Variants in SDK2 observed in about 807,000 individuals in gnomAD.
SDK2 encodes protein sidekick-2.
In SDK2, 105 loss-of-function variants were observed where a neutral mutation model predicts 253.9. The ratio of observed to expected loss-of-function variants is 0.41; its 90% confidence interval spans 0.35 to 0.49. The LOEUF (loss-of-function observed/expected upper bound fraction) is 0.49. Among genes scored for constraint, SDK2 ranks in the 20% least tolerant of loss-of-function variants. SDK2 has a pLI of 0.06. For missense variants in SDK2, 2,608 were observed against 3,003.0 expected (o/e 0.87, Z 3.07); for synonymous variants, 1,249 against 1,234.9 (o/e 1.01, Z -0.24).
At chr17:73,404,906 T>G (rs11077679) in intron 18 of SDK2, among the ~76,000 whole-genome samples, 1 of 151,904 alleles carries the variant, frequency 6.6e-6, no homozygotes, top group African/African-American at 2.4e-5. Context: ...TGGAGGGTGT[T>G]GGGGGAGGGC....
At chr17:73,544,714 A>G (rs1221285756) in intron 1 of SDK2, among the ~76,000 whole-genome samples, 2 of 152,212 alleles carry the variant, frequency 1.3e-5, no homozygotes. Flanking sequence ...AAAGCATCTA[A>G]CTTAACCTCT....
intron 6 of SDK2, among the ~76,000 whole-genome samples, chr17:73,440,472 A>G (rs2063406522): frequency 6.6e-6 from 1 of 152,130 alleles, no homozygotes; most frequent in South Asian, 2.1e-4. Flanking sequence ...CCCTGCATGC[A>G]AGAGGGCTCG....
intron 3 of SDK2, among the ~76,000 whole-genome samples, chr17:73,471,181 C>T (rs2063647954): frequency 1.3e-5 from 2 of 152,158 alleles, no homozygotes; most frequent in African/African-American, 4.8e-5. Flanking sequence ...CTGATTCATT[C>T]CTCATTCTCC....
chr17:73,469,432 A>C (rs1425745052), intron 3 of SDK2, among the ~76,000 whole-genome samples: 2 of 152,164 alleles, frequency 1.3e-5, no homozygotes, highest in Admixed American at 1.3e-4. Flanking sequence ...TAGGCAGCAC[A>C]AGTCCCCTTC....
At position 73,356,288 on chromosome 17, in the gene SDK2, C is replaced by G. The variant is rs78918305; in HGVS notation, c.5593+1791G>C. ...GATCTCCTGCCTGCTGTTTAACCCC[C>G]CTTGTTCCACCCCACACAGGGACAA... On this transcript the variant is annotated intron_variant, in intron 40 of 44. Coordinates refer to ENST00000392650, the MANE Select transcript of SDK2 (RefSeq NM_001144952.2). Among the ~76,000 whole-genome samples the G allele has an allele frequency of 3.9e-5, 6 of 152,314 alleles. No individual in the cohort carries two copies. In the East Asian group the frequency reaches 1.2e-3, roughly 29 times the overall value.
chr17:73,441,462 G>A (rs779871310), intron 5 of SDK2, among the ~76,000 whole-genome samples: 22 of 152,184 alleles, frequency 1.4e-4, no homozygotes, highest in Non-Finnish European at 3.2e-4. Context: ...TATTGGATCA[G>A]GGTGGGCTCA....
chr17:73,403,850 G>A (rs957618233), intron 18 of SDK2, among the ~76,000 whole-genome samples: 1 of 152,128 alleles, frequency 6.6e-6, no homozygotes, highest in Non-Finnish European at 1.5e-5. Flanking sequence ...TTGTTTCATA[G>A]CAATTATGTT....
Position 73,609,145 on chromosome 17 carries a change from T to TGG in SDK2, c.64+34879_64+34880insCC, listed in dbSNP as rs1242902193. ...GGAAGATCAGGAGTTTGCAAGACCT[T>TGG]GTGTGTGTTCAGTTGGGATGACTTG... On this transcript the variant is annotated intron_variant, in intron 1 of 44. Coordinates refer to ENST00000392650, the MANE Select transcript of SDK2 (RefSeq NM_001144952.2). This position sits in a 1 kb window ranked among gnomAD's most constrained non-coding sequence, Gnocchi z 4.4. Among the ~76,000 whole-genome samples the TGG allele has an allele frequency of 1.3e-5, 2 of 152,046 alleles. No homozygotes were observed. The highest frequency in any genetic ancestry group is 1.3e-4 in the Admixed American group (2 of 15,272).
rs929674571 is a variant in SDK2 at position 73,358,290 on chromosome 17, G to A, written c.5468-86C>T. On this transcript the variant is annotated intron_variant, in intron 39 of 44. Transcript: ENST00000392650. ...ACCCTGGGCTCGAGGAGGAACACTGGGTGACAAAACCAACCCTGGACAGAG... is the reference window on the plus strand; with the variant it reads ...ACCCTGGGCTCGAGGAGGAACACTGAGTGACAAAACCAACCCTGGACAGAG... The A allele has an allele frequency of 6.6e-6, 10 of 1,516,062 alleles. No homozygotes were observed. The Admixed American group carries it at 2.3e-4, about 35-fold the overall frequency. The allele number at this position is 1,516,062 out of a possible 1,614,324, so 93.9% of individuals were successfully genotyped here. A position where few individuals can be genotyped will look rare whatever the true frequency, so the allele number is the denominator to read the frequency against.
Position 73,618,532 on chromosome 17 carries a change from G to A in SDK2, c.64+25493C>T, listed in dbSNP as rs1599730764. Among the ~76,000 whole-genome samples the A allele has an allele frequency of 3.9e-5, 6 of 152,334 alleles. No homozygotes were observed. In the South Asian group the frequency reaches 1.2e-3, roughly 32 times the overall value. ...TATAAAAAACCTACTGTATGCCCAG[G>A]ACAGTGTGAGAAATGAGAGAGGAAA... On this transcript the variant is annotated intron_variant, in intron 1 of 44. Coordinates refer to ENST00000392650, the MANE Select transcript of SDK2 (RefSeq NM_001144952.2). The surrounding 1 kb of genome is among the most constrained non-coding windows in gnomAD (Gnocchi z 4.1).
In SDK2 at chr17:73,398,370, G is replaced by A. The variant is rs780304075; in HGVS notation, c.3153C>T (p.Pro1051=). 1.2e-4 allele frequency: 193 copies of A among 1,613,806 alleles called. No individual in the cohort carries two copies. The highest frequency in any genetic ancestry group is 1.6e-4 in the East Asian group (7 of 44,874). The change falls in exon 23 of 45, where the codon CCC becomes CCT. Residue 1051 remains proline, a synonymous_variant. Coordinates refer to ENST00000392650, the MANE Select transcript of SDK2 (RefSeq NM_001144952.2). ...CGGGCACCTCCATGGAGCGGGCATC[G>A]GGCTCATTGGAGAGCTGGTGGATCA... is the stretch of plus-strand genomic sequence containing the variant. The part of the protein sequence containing the change: ...WLLIHQLSNE[P]DARSMEVPDL...
intron 43 of SDK2, among the ~76,000 whole-genome samples, 192 bp downstream of exon 43, chr17:73,350,045 T>C (rs963878514): frequency 6.6e-6 from 1 of 152,206 alleles, no homozygotes; most frequent in Admixed American, 6.5e-5. Context: ...TGGTGGGGAC[T>C]GGGACCCTAG....
Position 73,361,949 on chromosome 17 carries a change from G to C in SDK2, c.5306-104C>G. On this transcript the variant is annotated intron_variant, in intron 38 of 44. Transcript: ENST00000392650. This position sits in a 1 kb window ranked among gnomAD's most constrained non-coding sequence, Gnocchi z 4.1. ...CGTGGCCTGGGCCCCGGGACCCTGGGTAGGGGCCTCACTCCTTGAGGTCAG... is the reference window on the plus strand; with the variant it reads ...CGTGGCCTGGGCCCCGGGACCCTGGCTAGGGGCCTCACTCCTTGAGGTCAG... 1.8e-6 allele frequency: 2 copies of C among 1,139,574 alleles called. No individual in the cohort carries two copies. Among genetic ancestry groups the C allele is most frequent in the Non-Finnish European group, 2.4e-6 (2 of 820,930 alleles). 70.6% of individuals were successfully genotyped at this position (1,139,574 alleles called of 1,614,324 possible).
rs1164644627 is a variant in SDK2 at position 73,594,863 on chromosome 17, TACAC to T, written c.64+49158_64+49161del. ...TAGCACACACATGCACACATGCAAA[TACAC>T]ACAGCACATACATAGCACACACCTG... On this transcript the variant is annotated intron_variant, in intron 1 of 44. Transcript: ENST00000392650. Among the ~76,000 whole-genome samples the T allele has an allele frequency of 5.3e-5, 8 of 150,994 alleles. No homozygotes were observed. In the East Asian group the frequency reaches 7.8e-4, roughly 15 times the overall value.
intron 2 of SDK2, among the ~76,000 whole-genome samples, chr17:73,483,680 TATTTA>T (rs1567799301): frequency 2.2e-4 from 14 of 63,436 alleles, no homozygotes; most frequent in East Asian, 3.9e-4. Flanking sequence ...TATATATATA[TATTTA>T]TATATATATA....
rs1268953559 is a variant in SDK2 at position 73,361,400 on chromosome 17, C to T, written c.5467+284G>A. Reference sequence around the variant, plus strand: ...ATTAGCAGGGAGAGAAAGAACGAAGCAGGCGCAGTGGCCAGGCCAGGCCTG... The same window carrying T: ...ATTAGCAGGGAGAGAAAGAACGAAGTAGGCGCAGTGGCCAGGCCAGGCCTG... On this transcript the variant is annotated intron_variant, in intron 39 of 44. Coordinates refer to ENST00000392650, the MANE Select transcript of SDK2 (RefSeq NM_001144952.2). This position sits in a 1 kb window ranked among gnomAD's most constrained non-coding sequence, Gnocchi z 4.1. 6.6e-6 allele frequency among the ~76,000 whole-genome samples: 1 copy of T among 152,206 alleles called. No individual in the cohort carries two copies.
chr17:73,630,485 C>T (rs1054686205), intron 1 of SDK2, among the ~76,000 whole-genome samples: 1 of 151,898 alleles, frequency 6.6e-6, no homozygotes, highest in Non-Finnish European at 1.5e-5. Context: ...TCCTCAACCC[C>T]CAGGTTCCCC....
At position 73,423,508 on chromosome 17, in the gene SDK2, G is replaced by A. The variant is rs139146725; in HGVS notation, c.1775C>T (p.Ala592Val). 44 of 1,570,006 alleles carry A rather than the reference G, an allele frequency of 2.8e-5. No homozygotes were observed. The highest frequency in any genetic ancestry group is 1.7e-4 in the Middle Eastern group (1 of 5,930). ...GAGAGTGGCCACTGGGTGCTCGGGC[G>A]CGTGGGGCAGTTGCCTGGAAAAGAG... ...AHLRVRQLPHAPEHPVATLST... is the reference protein window; with the variant it reads ...AHLRVRQLPHVPEHPVATLST... The change falls in exon 14 of 45, where the codon GCG becomes GTG. Residue 592 changes from alanine to valine, a missense_variant. Transcript: ENST00000392650.
At chr17:73,434,667 G>T (rs2063353309) in intron 9 of SDK2, among the ~76,000 whole-genome samples, 1 of 152,134 alleles carries the variant, frequency 6.6e-6, no homozygotes, top group South Asian at 2.1e-4. Flanking sequence ...TTGAGACAGG[G>T]TCTCACTCTG....
Sources: gnomAD v4.1 joint callset for allele counts (sites outside exome capture counted in the v4.1 genomes callset) on GRCh38, gnomAD v4.1.1 for gene constraint, Gnocchi (gnomAD v3.1) non-coding constraint, MANE v1.5 for transcripts, NCBI Gene and HGNC (gene_info 2026-07-23, HGNC 2026-07-21) for gene names.